NUCB2: variants seen among roughly 807,000 people sequenced by gnomAD.
NUCB2 encodes nucleobindin-2.
In NUCB2, 48 loss-of-function variants were observed where a neutral mutation model predicts 57.9. The ratio of observed to expected loss-of-function variants is 0.83; its 90% CI spans 0.66 to 1.05. The LOEUF (loss-of-function observed/expected upper bound fraction) is 1.05, where lower values mean the gene tolerates loss of function less well. NUCB2 is among the 50% of genes least tolerant of loss of function. The pLI is 0.00. For synonymous variants in NUCB2, 139 were observed against 152.1 expected (o/e 0.91, Z 0.64); for missense variants, 442 against 476.2 (o/e 0.93, Z 0.67).
intron 2 of NUCB2, among the ~76,000 whole-genome samples, chr11:17,286,430 A>G (rs1211924910): frequency 2.0e-5 from 3 of 152,236 alleles, no homozygotes; most frequent in Non-Finnish European, 2.9e-5. Flanking sequence ...ACTGAATACT[A>G]AGAGAAGCTT....
downstream of NUCB2, chr11:17,333,884 C>G (rs1342869108): frequency 6.6e-6 from 1 of 152,190 alleles, no homozygotes; most frequent in East Asian, 1.9e-4. Context: ...TTTTCCCTTG[C>G]GTCACTGCAG....
intron 11 of NUCB2, among the ~76,000 whole-genome samples, chr11:17,322,038 T>C (rs1950094774): frequency 6.6e-6 from 1 of 152,202 alleles, no homozygotes; most frequent in Admixed American, 6.5e-5. Context: ...TCTCATTCTG[T>C]GGGTTATCCC....
chr11:17,321,768 G>A (rs755837056), intron 11 of NUCB2, among the ~76,000 whole-genome samples: 5 of 151,638 alleles, frequency 3.3e-5, no homozygotes, highest in Middle Eastern at 3.4e-3. Context: ...ATTTGTTATT[G>A]CCTGTCTTTT....
intron 2 of NUCB2, among the ~76,000 whole-genome samples, chr11:17,293,282 A>G (rs1329652566): frequency 1.3e-5 from 2 of 149,784 alleles, no homozygotes; most frequent in Non-Finnish European, 3.0e-5. Flanking sequence ...AGATGTTGTC[A>G]GGTGTTGTTA....
intron 11 of NUCB2, among the ~76,000 whole-genome samples, chr11:17,322,086 T>A (rs1312737798): frequency 6.6e-6 from 1 of 152,186 alleles, no homozygotes; most frequent in Non-Finnish European, 1.5e-5. Context: ...CTGCAGAAGC[T>A]TTTTTACTTG....
At chr11:17,281,355 A>T (rs1036618542) in intron 1 of NUCB2, among the ~76,000 whole-genome samples, 3 of 152,034 alleles carry the variant, frequency 2.0e-5, no homozygotes, top group Non-Finnish European at 4.4e-5. Flanking sequence ...CCTGGGCTCA[A>T]GTGATCCACC....
intron 10 of NUCB2, among the ~76,000 whole-genome samples, chr11:17,314,441 C>G (rs942731713): frequency 3.9e-5 from 6 of 152,142 alleles, no homozygotes; most frequent in African/African-American, 1.4e-4. Flanking sequence ...TCATCCTTGC[C>G]TTGCTCTCTG....
chr11:17,347,028 T>C (rs569446307), intron 2 of NUCB2, among the ~76,000 whole-genome samples: 7 of 152,312 alleles, frequency 4.6e-5, no homozygotes, highest in African/African-American at 1.7e-4. Context: ...TGACACAGCC[T>C]CAGAAAGTCC....
intron 11 of NUCB2, among the ~76,000 whole-genome samples, chr11:17,316,323 A>G (rs944921078): frequency 2.0e-5 from 3 of 152,220 alleles, no homozygotes; most frequent in African/African-American, 7.2e-5. Flanking sequence ...ATGACTTTGT[A>G]TGTTGATGAA....
At chr11:17,331,209 A>AT (rs1411824454) in intron 13 of NUCB2, 3 of 528,490 alleles carry the variant, frequency 5.7e-6, no homozygotes, top group Non-Finnish European at 1.0e-5. Flanking sequence ...TTTGATAACC[A>AT]TATTTATGGT....
chr11:17,282,526 G>T (rs1021216824), intron 1 of NUCB2, among the ~76,000 whole-genome samples: 2 of 151,930 alleles, frequency 1.3e-5, no homozygotes, highest in Non-Finnish European at 2.9e-5. Flanking sequence ...CTCCCAAAGT[G>T]CTGGGATTAC....
At chr11:17,346,363 G>A (rs1278289806) in intron 2 of NUCB2, among the ~76,000 whole-genome samples, 1 of 152,100 alleles carries the variant, frequency 6.6e-6, no homozygotes, top group Non-Finnish European at 1.5e-5. Context: ...AGACAAGTTT[G>A]GGAACCAGTG....
At chr11:17,279,140 C>T (rs61881920) in intron 1 of NUCB2, among the ~76,000 whole-genome samples, 23,465 of 152,084 alleles carry the variant, frequency 0.15, 2,077 homozygotes, top group Middle Eastern at 0.29. Context: ...TGCAGTGAGC[C>T]GAGATCGCGC....
chr11:17,312,882 T>G (rs1591453141), intron 10 of NUCB2, among the ~76,000 whole-genome samples: 2 of 151,618 alleles, frequency 1.3e-5, no homozygotes, highest in Middle Eastern at 6.8e-3. Context: ...GATTTTTTTA[T>G]TTTTAGTAGA....
intron 2 of NUCB2, among the ~76,000 whole-genome samples, chr11:17,290,684 A>T (rs922985840): frequency 6.6e-6 from 1 of 152,176 alleles, no homozygotes; most frequent in Non-Finnish European, 1.5e-5. Context: ...CAGAATTATA[A>T]GGAAAAAGAG....
chr11:17,288,549 C>CTTTTTTTTTTTTTTTTT (rs752336919), intron 2 of NUCB2, among the ~76,000 whole-genome samples: 2 of 75,862 alleles, frequency 2.6e-5, no homozygotes, highest in Non-Finnish European at 4.9e-5. Context: ...TCTTCTTCTT[C>CTTTTTTTTTTTTTTTTT]TTCTTTTTTT....
chr11:17,303,989 A>G (rs981690941), intron 5 of NUCB2, among the ~76,000 whole-genome samples: 3 of 152,020 alleles, frequency 2.0e-5, no homozygotes, highest in Non-Finnish European at 4.4e-5. Context: ...TTAAAGTAAT[A>G]AAATACTAAT....
intron 1 of NUCB2, among the ~76,000 whole-genome samples, chr11:17,282,236 C>A (rs867673376): frequency 1.0e-3 from 108 of 104,092 alleles, no homozygotes; most frequent in Middle Eastern, 5.5e-3. Flanking sequence ...ATCTATCTAT[C>A]TATATATATA....
At chr11:17,337,514 T>C (rs1565483188) in exon 2 of NUCB2, 1 of 152,226 alleles carries the variant, frequency 6.6e-6, no homozygotes, top group Non-Finnish European at 1.5e-5. Context: ...CATTTGTTTC[T>C]GTTGGAATTG....
Sources: gnomAD v4.1 joint callset for allele counts (sites outside exome capture counted in the v4.1 genomes callset) on GRCh38, gnomAD v4.1.1 for gene constraint, MANE v1.5 for transcripts, NCBI Gene and HGNC (gene_info 2026-07-23, HGNC 2026-07-21) for gene names.